CASK: variants seen among roughly 807,000 people sequenced by gnomAD.
CASK encodes the protein calcium/calmodulin dependent serine protein kinase.
A neutral mutation model predicts 82.9 loss-of-function variants in CASK; 4 were observed. That is an observed-to-expected ratio of 0.05 (90% CI 0.02 to 0.11). The LOEUF (loss-of-function observed/expected upper bound fraction) is 0.11. Ranked by LOEUF, CASK falls within the 10% of genes least tolerant of loss-of-function variation. CASK has a pLI of 1.00. For synonymous variants in CASK, 259 were observed against 253.5 expected (o/e 1.02, Z -0.20); for missense variants, 358 against 720.9 (o/e 0.50, Z 5.76).
chrX:41,641,991 T>C (rs1479989795), intron 8 of CASK, among the ~76,000 whole-genome samples: 4 of 105,827 alleles, frequency 3.8e-5, no homozygotes, highest in African/African-American at 1.4e-4. Context: ...TGAGAACATG[T>C]GGTGTTTGGT....
chrX:41,886,567 T>C (rs1348941360), intron 1 of CASK, among the ~76,000 whole-genome samples: 2 of 111,978 alleles, frequency 1.8e-5, no homozygotes, highest in Non-Finnish European at 3.8e-5. Flanking sequence ...TTGCAACTGA[T>C]TGCTCTACAG....
intron 2 of CASK, among the ~76,000 whole-genome samples, chrX:41,794,486 G>A (rs777906946): frequency 2.0e-3 from 224 of 112,313 alleles, no homozygotes; most frequent in Middle Eastern, 9.1e-3. Flanking sequence ...TAAACCAAAG[G>A]GGGGAAGATC....
intron 9 of CASK, among the ~76,000 whole-genome samples, chrX:41,629,794 C>T (rs2066435891): frequency 9.0e-6 from 1 of 111,704 alleles, no homozygotes. Context: ...AGTTTGCCAA[C>T]CCCTGTATTA....
At chrX:41,522,745 A>C (rs1050859709) in intron 26 of CASK, among the ~76,000 whole-genome samples, 12 of 112,402 alleles carry the variant, frequency 1.1e-4, no homozygotes, top group African/African-American at 3.9e-4. Context: ...TCACATTTTT[A>C]ATGTAGGTCT....
chrX:41,644,564 C>A (rs189897901), intron 8 of CASK, among the ~76,000 whole-genome samples: 1 of 111,588 alleles, frequency 9.0e-6, no homozygotes, highest in East Asian at 2.8e-4. Flanking sequence ...GAAATGTAGG[C>A]ACCTCAAAAA....
chrX:41,812,286 A>G (rs1326803943), intron 2 of CASK, among the ~76,000 whole-genome samples: 1 of 111,755 alleles, frequency 8.9e-6, no homozygotes, highest in Non-Finnish European at 1.9e-5. Flanking sequence ...GGCACAACAA[A>G]AAAAAGGGAA....
intron 2 of CASK, among the ~76,000 whole-genome samples, chrX:41,822,577 A>G (rs1399490873): frequency 1.0e-4 from 11 of 108,458 alleles, no homozygotes; most frequent in Non-Finnish European, 1.9e-4. Flanking sequence ...AAAAAAAAAA[A>G]AAAAAGAAAA....
intron 3 of CASK, among the ~76,000 whole-genome samples, chrX:41,770,201 G>T (rs754563991): frequency 9.2e-5 from 9 of 97,985 alleles, no homozygotes; most frequent in African/African-American, 2.9e-4. Context: ...AGCTGAGCTT[G>T]TTTTTTTTTT....
At chrX:41,910,571 C>T (rs1345684468) in intron 1 of CASK, among the ~76,000 whole-genome samples, 1 of 111,686 alleles carries the variant, frequency 9.0e-6, no homozygotes, top group Non-Finnish European at 1.9e-5. Flanking sequence ...TATTTGTGGG[C>T]CTAATTCTGA....
chrX:41,522,621 C>G (rs747507854), intron 26 of CASK, among the ~76,000 whole-genome samples: 62 of 112,145 alleles, frequency 5.5e-4, no homozygotes, highest in Middle Eastern at 4.6e-3. Flanking sequence ...CTCTGGCACA[C>G]GGGATTCTAT....
intron 3 of CASK, among the ~76,000 whole-genome samples, chrX:41,768,798 T>C (rs2069160865): frequency 9.0e-6 from 1 of 111,026 alleles, no homozygotes. Flanking sequence ...GGAGAGCCCA[T>C]CTCTATTAAA....
rs752253315 is a variant in CASK at position 41,646,522 on chromosome X, C to T, written c.832-9861G>A. ...AAAGGCATTACCCACCCCCAGGCCTCGTATGATACTCCCCATTCTGAGCCC... is the reference window on the plus strand; with the variant it reads ...AAAGGCATTACCCACCCCCAGGCCTTGTATGATACTCCCCATTCTGAGCCC... On this transcript the variant is annotated intron_variant, in intron 8 of 26. Transcript: ENST00000378163. Among the ~76,000 whole-genome samples the T allele has an allele frequency of 4.5e-5, 5 of 111,127 alleles. No individual in the cohort carries two copies. In the South Asian group the frequency reaches 1.5e-3, roughly 34 times the overall value.
intron 2 of CASK, among the ~76,000 whole-genome samples, chrX:41,828,093 T>A (rs184306460): frequency 2.2e-4 from 24 of 111,595 alleles, no homozygotes; most frequent in African/African-American, 6.2e-4. Flanking sequence ...ATTCTCCTCA[T>A]TTGACAACTA....
chrX:41,549,304 G>A (rs2065063842), intron 21 of CASK, among the ~76,000 whole-genome samples: 1 of 111,192 alleles, frequency 9.0e-6, no homozygotes, highest in African/African-American at 3.3e-5. Flanking sequence ...AAGGAAAATT[G>A]ATCTTTCTCT....
At chrX:41,682,137 C>CT (rs2067367299) in intron 5 of CASK, among the ~76,000 whole-genome samples, 3 of 107,754 alleles carry the variant, frequency 2.8e-5, no homozygotes, top group Non-Finnish European at 5.7e-5. Context: ...AAATCTTGCA[C>CT]TTTTTGTGAA....
At chrX:41,621,614 A>G (rs765729254) in intron 11 of CASK, among the ~76,000 whole-genome samples, 38 of 111,958 alleles carry the variant, frequency 3.4e-4, no homozygotes, top group African/African-American at 1.1e-3. Context: ...GCACACAGCT[A>G]AGCCACGCCC....
chrX:41,824,032 G>A (rs1448871143), intron 2 of CASK, among the ~76,000 whole-genome samples: 6 of 111,821 alleles, frequency 5.4e-5, no homozygotes, highest in African/African-American at 1.9e-4. Context: ...GATGCAAGAT[G>A]TCAAAAACTC....
chrX:41,628,084 T>C (rs1327746802), intron 9 of CASK, among the ~76,000 whole-genome samples: 1 of 112,489 alleles, frequency 8.9e-6, no homozygotes, highest in African/African-American at 3.2e-5. Context: ...TGAAAGTGCT[T>C]TGCAAATTGT....
chrX:41,804,773 C>T (rs781410139), intron 2 of CASK, among the ~76,000 whole-genome samples: 2 of 111,829 alleles, frequency 1.8e-5, no homozygotes, highest in Non-Finnish European at 3.8e-5. Context: ...GAGCATATCA[C>T]CACCAACAAA....
Sources: allele counts gnomAD v4.1 joint callset (sites outside exome capture counted in the v4.1 genomes callset), GRCh38; gene constraint gnomAD v4.1.1; transcripts MANE v1.5; gene names NCBI Gene and HGNC (gene_info 2026-07-23, HGNC 2026-07-21).